The following ACSL3 variants were observed in gnomAD, a reference collection of about 807,000 sequenced individuals.
ACSL3 encodes the protein acyl-CoA synthetase long chain family member 3, also known as fatty acid CoA ligase Acsl3.
In ACSL3, 34 loss-of-function variants were observed where a neutral mutation model predicts 84.7. The observed-to-expected ratio is 0.40, with a 90% CI of 0.31 to 0.53. The LOEUF (loss-of-function observed/expected upper bound fraction) is 0.53. Ranked by LOEUF, ACSL3 falls within the 20% of genes least tolerant of loss-of-function variation. The pLI is 0.48. For synonymous variants in ACSL3, 315 were observed against 299.4 expected (o/e 1.05, Z -0.54); for missense variants, 680 against 873.1 (o/e 0.78, Z 2.79).
chr2:222,913,969 G>A (rs370993303), intron 4 of ACSL3, among the ~76,000 whole-genome samples: 1 of 151,894 alleles, frequency 6.6e-6, no homozygotes. Flanking sequence ...TCATTATCAT[G>A]ATTATTACAA....
intron 3 of ACSL3, 99 bp downstream of exon 3, chr2:222,900,879 A>G (rs1696127505): frequency 6.6e-6 from 1 of 152,176 alleles, no homozygotes; most frequent in Admixed American, 6.5e-5. Flanking sequence ...CTAAACCTGC[A>G]TTTGTGTACA....
chr2:222,930,181 T>G (rs1696988181), intron 13 of ACSL3, among the ~76,000 whole-genome samples: 1 of 152,084 alleles, frequency 6.6e-6, no homozygotes, highest in African/African-American at 2.4e-5. Context: ...CCACCCTCCT[T>G]GGCCTCCCAA....
intron 2 of ACSL3, among the ~76,000 whole-genome samples, chr2:222,898,006 AC>A (rs1369740188): frequency 1.3e-5 from 2 of 150,432 alleles, no homozygotes; most frequent in African/African-American, 4.9e-5. Context: ...CCTTTCTTGA[AC>A]CCTCTTCATT....
intron 1 of ACSL3, among the ~76,000 whole-genome samples, chr2:222,886,825 C>A (rs937691124): frequency 1.3e-5 from 2 of 151,816 alleles, no homozygotes; most frequent in Admixed American, 6.6e-5. Flanking sequence ...TTCTCATATA[C>A]CCCTTCCCCT....
intron 16 of ACSL3, among the ~76,000 whole-genome samples, chr2:222,938,816 A>G (rs571195764): frequency 2.0e-5 from 3 of 151,490 alleles, no homozygotes; most frequent in Admixed American, 6.6e-5. Context: ...TCATTTTTAC[A>G]TTTTTCCTCT....
rs1245361256 is a variant in ACSL3, at chr2:222,944,118, GAC to G, written c.*2468_*2469del. Reference sequence around the variant, plus strand: ...GAAACTTCATGAAAAAGTTTTTGCTGACACAGAACAAACCTGAAAGTAGTATC... The same window carrying G: ...GAAACTTCATGAAAAAGTTTTTGCTGACAGAACAAACCTGAAAGTAGTATC... On this transcript the variant is annotated 3_prime_UTR_variant, in exon 17 of 17. Coordinates refer to ENST00000357430, the MANE Select transcript of ACSL3 (RefSeq NM_004457.5). 4 of 152,040 alleles carry G rather than the reference GAC, an allele frequency of 2.6e-5. No individual in the cohort carries two copies. The highest frequency in any genetic ancestry group is 1.9e-4 in the East Asian group (1 of 5,190). The allele number at this position is 152,040 out of a possible 1,614,324, so 9.4% of individuals were successfully genotyped here. A position where few individuals can be genotyped will look rare whatever the true frequency, so the allele number is the denominator to read the frequency against.
intron 1 of ACSL3, among the ~76,000 whole-genome samples, chr2:222,871,091 A>G (rs771961768): frequency 6.6e-6 from 1 of 152,186 alleles, no homozygotes; most frequent in African/African-American, 2.4e-5. Flanking sequence ...GAGAAAGGGC[A>G]GGAGGCAGGG....
At chr2:222,870,125 T>C (rs1014719174) in intron 1 of ACSL3, among the ~76,000 whole-genome samples, 2 of 151,350 alleles carry the variant, frequency 1.3e-5, no homozygotes, top group African/African-American at 4.9e-5. Flanking sequence ...TTTTGGTCTG[T>C]AATCCTTTCT....
At chr2:222,935,457 C>T (rs187243590) in intron 16 of ACSL3, among the ~76,000 whole-genome samples, 286 of 152,324 alleles carry the variant, frequency 1.9e-3, no homozygotes, top group Non-Finnish European at 3.0e-3. Context: ...ATCCTCCCAA[C>T]TTAGCTTCCT....
intron 1 of ACSL3, among the ~76,000 whole-genome samples, chr2:222,867,360 C>T (rs1198493870): frequency 6.6e-6 from 1 of 152,208 alleles, no homozygotes; most frequent in African/African-American, 2.4e-5. Flanking sequence ...GAAACCCACT[C>T]CTTTCCCCCA....
chr2:222,894,201 C>A lies in ACSL3; in HGVS notation c.-148+6313C>A, dbSNP rs372743732. 3.8e-3 allele frequency among the ~76,000 whole-genome samples: 583 copies of A among 152,278 alleles called. 2 individuals are homozygous for A. The highest frequency in any genetic ancestry group is 0.02 in the Middle Eastern group (6 of 294). ...TGGTTAAGCTCCGTTACTTTACTTA[C>A]ATTTGTTTCATAACACAAGATCTGA... On this transcript the variant is annotated intron_variant, in intron 2 of 16. Transcript: ENST00000357430.
At chr2:222,939,927 A>G (rs1697262405) in intron 16 of ACSL3, among the ~76,000 whole-genome samples, 2 of 152,182 alleles carry the variant, frequency 1.3e-5, no homozygotes, top group African/African-American at 2.4e-5. Flanking sequence ...CCTTTGTTAG[A>G]TTGCATGCTA....
intron 16 of ACSL3, among the ~76,000 whole-genome samples, chr2:222,936,511 G>T (rs1346250669): frequency 6.6e-6 from 1 of 151,640 alleles, no homozygotes; most frequent in South Asian, 2.1e-4. Context: ...TAGTTATGTT[G>T]GGCATCTTAT....
chr2:222,924,239 C>CT (rs1243189791), intron 10 of ACSL3, among the ~76,000 whole-genome samples: 1 of 152,104 alleles, frequency 6.6e-6, no homozygotes, highest in African/African-American at 2.4e-5. Flanking sequence ...TATTTTTAAA[C>CT]TAATTGTGGT....
chr2:222,883,043 C>T (rs1300904439), intron 1 of ACSL3, among the ~76,000 whole-genome samples: 2 of 152,178 alleles, frequency 1.3e-5, no homozygotes, highest in South Asian at 2.1e-4. Flanking sequence ...GCTGGGATTA[C>T]AGGCATGAGC....
chr2:222,915,325 T>C (rs571740405), intron 4 of ACSL3, among the ~76,000 whole-genome samples: 1 of 152,230 alleles, frequency 6.6e-6, no homozygotes, highest in Non-Finnish European at 1.5e-5. Context: ...ATTTCTTAAA[T>C]GCGTAATTGC....
rs1160101344 is a variant in ACSL3, at chr2:222,943,193, C to CA, written c.*1542dup. On this transcript the variant is annotated 3_prime_UTR_variant, in exon 17 of 17. Transcript: ENST00000357430. ...GTGTAGTGTGTGTTTGGTTGCATCA[C>CA]AAACATCGTATGTGGAGACATTGCA... 4.5e-6 allele frequency: 1 copy of CA among 224,602 alleles called. No individual in the cohort carries two copies. Among genetic ancestry groups the CA allele is most frequent in the Non-Finnish European group, 8.9e-6 (1 of 112,772 alleles). 13.9% of individuals were successfully genotyped at this position (224,602 alleles called of 1,614,324 possible).
At chr2:222,886,320 C>T (rs1436575163) in intron 1 of ACSL3, among the ~76,000 whole-genome samples, 4 of 152,142 alleles carry the variant, frequency 2.6e-5, no homozygotes, top group Non-Finnish European at 5.9e-5. Flanking sequence ...AGTGAGAGAA[C>T]GTGTGGTGTT....
chr2:222,868,979 A>G (rs1161495540), intron 1 of ACSL3, among the ~76,000 whole-genome samples: 1 of 152,112 alleles, frequency 6.6e-6, no homozygotes, highest in Non-Finnish European at 1.5e-5. Flanking sequence ...CAAAAAAAAA[A>G]AAAAAATTAG....
Sources: gnomAD v4.1 joint callset for allele counts (sites outside exome capture counted in the v4.1 genomes callset) on GRCh38, gnomAD v4.1.1 for gene constraint, MANE v1.5 for transcripts, NCBI Gene and HGNC (gene_info 2026-07-23, HGNC 2026-07-21) for gene names.